CNPY3: variants seen among roughly 807,000 people sequenced by gnomAD.
CNPY3 encodes protein canopy homolog 3.
A neutral mutation model predicts 32.0 loss-of-function variants in CNPY3; 20 were observed. The ratio of observed to expected loss-of-function variants is 0.63; its 90% CI spans 0.44 to 0.91. The LOEUF (loss-of-function observed/expected upper bound fraction) is 0.91, where lower values mean the gene tolerates loss of function less well. CNPY3 is among the 40% of genes least tolerant of loss of function. CNPY3 has a pLI of 0.00. For missense variants in CNPY3, 299 were observed against 340.8 expected, an observed-to-expected ratio of 0.88 and a Z score of 0.97; for synonymous variants, 138 against 142.9, an observed-to-expected ratio of 0.97 and a Z score of 0.24.
chr6:42,928,898 C>G (rs1480540598), upstream of CNPY3, among the ~76,000 whole-genome samples: 2 of 152,134 alleles, frequency 1.3e-5, no homozygotes, highest in Non-Finnish European at 2.9e-5. Context: ...TAGAAACAGG[C>G]TCAGAGAGGA....
At position 42,938,087 on chromosome 6, in the gene CNPY3, CAG is replaced by C; in HGVS notation, c.496-2_496-1del. 1 of 1,610,810 alleles carries C rather than the reference CAG, an allele frequency of 6.2e-7. No individual in the cohort carries two copies. Among genetic ancestry groups the C allele is most frequent in the Non-Finnish European group, 8.5e-7 (1 of 1,177,006 alleles). On this transcript the variant is annotated splice_acceptor_variant, in intron 4 of 5. Coordinates refer to ENST00000372836, the MANE Select transcript of CNPY3 (RefSeq NM_006586.5). LOFTEE classifies it high-confidence loss of function. ...TGCCAATATGAGGTATTATGATTAA[CAG>C]TGTGATGTGCTGGTGGAAGAGTTTG...
upstream of CNPY3, among the ~76,000 whole-genome samples, chr6:42,928,605 A>G (rs1013380519): frequency 1.3e-5 from 2 of 152,130 alleles, no homozygotes; most frequent in African/African-American, 4.8e-5. Context: ...AGCAGATGAG[A>G]GTTTTACTGA....
At position 42,935,612 on chromosome 6, in the gene CNPY3, A is replaced by T. The variant is rs749800798; in HGVS notation, c.314A>T (p.Lys105Met). ...ATCGAAGTCACTGAGACCATTTGCAAGAGGCTCCTGGATTATAGCCTGCAC... is the reference window on the plus strand; with the variant it reads ...ATCGAAGTCACTGAGACCATTTGCATGAGGCTCCTGGATTATAGCCTGCAC... ...RLIEVTETIC[K>M]RLLDYSLHKE... is the part of the protein sequence containing the mutation. The change falls in exon 3 of 6, where the codon AAG (lysine) becomes ATG (methionine). Residue 105 changes from lysine to methionine, a missense_variant. Around this residue, in one of 2 missense-constraint regions of CNPY3, gnomAD observed 211 missense variants for 278.3 expected, o/e 0.76. Coordinates refer to ENST00000372836, the MANE Select transcript of CNPY3 (RefSeq NM_006586.5). 6.2e-5 allele frequency: 100 copies of T among 1,611,986 alleles called. No individual in the cohort carries two copies. The highest frequency in any genetic ancestry group is 7.9e-5 in the Non-Finnish European group (93 of 1,178,386).
chr6:42,931,732 A>T (rs12524503), intron 1 of CNPY3, among the ~76,000 whole-genome samples: 34,576 of 146,128 alleles, frequency 0.24, 5,237 homozygotes, highest in African/African-American at 0.43. Context: ...TATTATTATT[A>T]TTTTTTTTTG....
chr6:42,935,364 C>T, intron 2 of CNPY3: 2 of 945,258 alleles, frequency 2.1e-6, no homozygotes, highest in Non-Finnish European at 2.5e-6. Flanking sequence ...ATAAAAAATT[C>T]CTTCCCTTAG....
chr6:42,933,040 A>T (rs765338403), intron 1 of CNPY3, among the ~76,000 whole-genome samples: 14 of 152,092 alleles, frequency 9.2e-5, no homozygotes, highest in Non-Finnish European at 1.5e-5. Flanking sequence ...CATTTTGGGG[A>T]CCCTTGTGGT....
chr6:42,937,367 C>T (rs932567062), intron 3 of CNPY3, among the ~76,000 whole-genome samples: 6 of 152,030 alleles, frequency 3.9e-5, no homozygotes, highest in Non-Finnish European at 8.8e-5. Flanking sequence ...CTTTGGGAGG[C>T]TGAGGTGAGT....
At chr6:42,936,515 A>G (rs545964140) in intron 3 of CNPY3, among the ~76,000 whole-genome samples, 46 of 152,194 alleles carry the variant, frequency 3.0e-4, no homozygotes, top group Admixed American at 8.5e-4. Flanking sequence ...ACTGAATTCA[A>G]TTGATTTTCA....
chr6:42,929,506 C>G lies in CNPY3; in HGVS notation c.-65C>G. On this transcript the variant is annotated 5_prime_UTR_variant, in exon 1 of 6. Coordinates refer to ENST00000372836, the MANE Select transcript of CNPY3 (RefSeq NM_006586.5). ...CAGTCCCGGAAGCGGCGAGGGGAAA[C>G]TGCTCCGCGCGCGCCGCGGGAGGAG... 9.5e-6 allele frequency: 14 copies of G among 1,479,958 alleles called. No homozygotes were observed. The highest frequency in any genetic ancestry group is 1.3e-5 in the Non-Finnish European group (14 of 1,109,492). 91.7% of individuals were successfully genotyped at this position (1,479,958 alleles called of 1,614,324 possible). A position where few individuals can be genotyped will look rare whatever the true frequency, so the allele number is the denominator to read the frequency against.
chr6:42,929,622 C>G lies in CNPY3; in HGVS notation c.52C>G (p.Leu18Val), dbSNP rs751118065. The G allele has an allele frequency of 5.0e-6, 7 of 1,404,220 alleles. No homozygotes were observed. In the Admixed American group the frequency reaches 1.4e-4, roughly 27 times the overall value. 87.0% of individuals were successfully genotyped at this position (1,404,220 alleles called of 1,614,324 possible). Residue 18 changes from leucine (L) to valine (V), a missense_variant, in exon 1 of 6, where the codon CTG becomes GTG. Physicochemically the swap from Leu to Val is conservative, Grantham distance 32. This residue lies in a region of CNPY3 where 88 missense variants were observed against 62.5 expected (regional missense o/e 1.41). Coordinates refer to ENST00000372836, the MANE Select transcript of CNPY3 (RefSeq NM_006586.5). ...CCGCTGTCTTCTGCTTCTTCCCTTG[C>G]TGCTGCTGCTGCTGCTGCTGCTGCC... ...ASRCLLLLPL[L>V]LLLLLLLPAP...
In CNPY3 at chr6:42,938,634, A is replaced by G. The variant is rs1442211047; in HGVS notation, c.680A>G (p.Lys227Arg). ...GCTGCCCTGGGAGGGAAGAAGTCCA[A>G]GAAGAAGAGCAGCAGGGCCAAGGCA... is the stretch of plus-strand genomic sequence containing the variant. ...DTAALGGKKS[K>R]KKSSRAKAAG... The change falls in exon 6 of 6, where the codon AAG (lysine) becomes AGG (arginine). Residue 227 changes from lysine (K) to arginine (R), a missense_variant. Physicochemically the swap from Lys to Arg is conservative, Grantham distance 26. Transcript: ENST00000372836. 46 of 1,611,512 alleles carry G rather than the reference A, an allele frequency of 2.9e-5. No homozygotes were observed. Among genetic ancestry groups the G allele is most frequent in the Non-Finnish European group, 3.8e-5 (45 of 1,178,838 alleles).
At chr6:42,935,186 A>G (rs965455780) in intron 2 of CNPY3, among the ~76,000 whole-genome samples, 1 of 152,124 alleles carries the variant, frequency 6.6e-6, no homozygotes, top group Non-Finnish European at 1.5e-5. Flanking sequence ...ATTTTTTAAA[A>G]CATTAGTAAC....
At chr6:42,929,306 C>G, upstream of CNPY3, 2 of 479,346 alleles carry the variant, frequency 4.2e-6, no homozygotes, top group Middle Eastern at 5.5e-4. Context: ...CATCTGCTCT[C>G]TTACTGGCCA....
rs1264149353 is a variant in CNPY3, at chr6:42,938,177, G to A, written c.583G>A (p.Ala195Thr). 6 of 1,613,888 alleles carry A rather than the reference G, an allele frequency of 3.7e-6. No individual in the cohort carries two copies. Among genetic ancestry groups the A allele is most frequent in the Admixed American group, 1.7e-5 (1 of 59,992 alleles). ...QEEDLTEFLC[A>T]NHVLKGKDTS... The stretch of plus-strand genomic sequence containing the variant: ...GGAAGACCTGACTGAATTCCTCTGC[G>A]CCAACCACGTGCTGAAGGGAAAAGA... Residue 195 changes from alanine (A) to threonine (T), a missense_variant, in exon 5 of 6, where the codon GCC (alanine) becomes ACC (threonine). Transcript: ENST00000372836.
At chr6:42,937,558 GGGC>G (rs1248438269) in intron 3 of CNPY3, among the ~76,000 whole-genome samples, 156 bp from the exon 4 acceptor site, 1 of 151,962 alleles carries the variant, frequency 6.6e-6, no homozygotes, top group Non-Finnish European at 1.5e-5. Flanking sequence ...GCTCCAACCT[GGGC>G]GACAGAGTGA....
chr6:42,932,410 C>T (rs141822196), intron 1 of CNPY3, among the ~76,000 whole-genome samples: 6 of 152,076 alleles, frequency 3.9e-5, no homozygotes, highest in Non-Finnish European at 5.9e-5. Flanking sequence ...AGAACCTGCC[C>T]GGAAAAAAAG....
At position 42,929,496 on chromosome 6, in the gene CNPY3, C is replaced by A; in HGVS notation, c.-75C>A. On this transcript the variant is annotated 5_prime_UTR_variant, in exon 1 of 6. Coordinates refer to ENST00000372836, the MANE Select transcript of CNPY3 (RefSeq NM_006586.5). ...GGCACGTGTGCAGTCCCGGAAGCGGCGAGGGGAAACTGCTCCGCGCGCGCC... is the reference window on the plus strand; with the variant it reads ...GGCACGTGTGCAGTCCCGGAAGCGGAGAGGGGAAACTGCTCCGCGCGCGCC... 6.9e-7 allele frequency: 1 copy of A among 1,445,808 alleles called. No homozygotes were observed. 89.6% of individuals were successfully genotyped at this position (1,445,808 alleles called of 1,614,324 possible). A position where few individuals can be genotyped will look rare whatever the true frequency, so the allele number is the denominator to read the frequency against.
chr6:42,937,260 T>C (rs959644038), intron 3 of CNPY3, among the ~76,000 whole-genome samples: 15 of 152,032 alleles, frequency 9.9e-5, no homozygotes, highest in African/African-American at 3.6e-4. Context: ...AGGGGGTATA[T>C]GTGCAGGGGT....
At chr6:42,933,468 G>A (rs148333919) in intron 1 of CNPY3, among the ~76,000 whole-genome samples, 135 of 152,286 alleles carry the variant, frequency 8.9e-4, no homozygotes, top group African/African-American at 2.8e-3. Flanking sequence ...AGAGCTCTCT[G>A]GAGGGCATGG....
Sources: allele counts gnomAD v4.1 joint callset (sites outside exome capture counted in the v4.1 genomes callset), GRCh38; gene constraint gnomAD v4.1.1; regional missense constraint gnomAD v4.1.1; transcripts MANE v1.5; gene names NCBI Gene and HGNC (gene_info 2026-07-23, HGNC 2026-07-21).